The following NDUFS6 variants were observed in gnomAD, a reference collection of about 807,000 sequenced individuals.
The protein encoded by NDUFS6 is NADH dehydrogenase [ubiquinone] iron-sulfur protein 6, mitochondrial.
Under a neutral mutation model 13.2 loss-of-function variants are expected in NDUFS6, and 14 were observed. That is an observed-to-expected ratio of 1.06 (90% CI 0.70 to 1.66). The LOEUF (loss-of-function observed/expected upper bound fraction) is 1.66, where lower values mean the gene tolerates loss of function less well. Ranked by LOEUF, NDUFS6 falls within the 40% of genes most tolerant of loss-of-function variation. NDUFS6 has a pLI of 0.00. For synonymous variants in NDUFS6, 95 were observed against 72.3 expected, an observed-to-expected ratio of 1.31 and a Z score of -1.60; for missense variants, 206 against 170.8, an observed-to-expected ratio of 1.21 and a Z score of -1.15.
Position 1,814,288 on chromosome 5 carries a change from T to C in NDUFS6, c.187-51T>C, listed in dbSNP as rs1354126181. Reference sequence around the variant, plus strand: ...TGTGTGTGGTGGGTTAAATTGTATGTAGTTAGCAAGTTTGTGTATTTGTTT... The same window carrying C: ...TGTGTGTGGTGGGTTAAATTGTATGCAGTTAGCAAGTTTGTGTATTTGTTT... On this transcript the variant is annotated intron_variant, in intron 2 of 3. Coordinates refer to ENST00000274137, the MANE Select transcript of NDUFS6 (RefSeq NM_004553.6). This position sits in a 1 kb window ranked among gnomAD's most constrained non-coding sequence, Gnocchi z 4.9. 1.2e-6 allele frequency: 2 copies of C among 1,611,362 alleles called. No homozygotes were observed. The highest frequency in any genetic ancestry group is 1.3e-5 in the African/African-American group (1 of 74,874).
At chr5:1,804,071 G>T (rs1665562026) in intron 2 of NDUFS6, among the ~76,000 whole-genome samples, 1 of 152,196 alleles carries the variant, frequency 6.6e-6, no homozygotes, top group Non-Finnish European at 1.5e-5. Context: ...GGTTTCCTGG[G>T]CATCGATGGG....
intron 2 of NDUFS6, among the ~76,000 whole-genome samples, chr5:1,810,463 G>C (rs1734201342): frequency 6.6e-6 from 1 of 152,200 alleles, no homozygotes; most frequent in South Asian, 2.1e-4. Flanking sequence ...CCCAGGGGCA[G>C]CTGAAAGGGG....
At chr5:1,815,589 G>A (rs954645915) in intron 3 of NDUFS6, among the ~76,000 whole-genome samples, 1 of 152,218 alleles carries the variant, frequency 6.6e-6, no homozygotes, top group Non-Finnish European at 1.5e-5. Flanking sequence ...CCGCTGAGGT[G>A]TGGGGAGTGA....
intron 3 of NDUFS6, 78 bp from the exon 4 acceptor site, chr5:1,815,769 TATAC>T: frequency 7.2e-6 from 10 of 1,390,256 alleles, no homozygotes; most frequent in Non-Finnish European, 9.2e-6. Flanking sequence ...GTCTAAGTTT[TATAC>T]ATACATTTTC....
At chr5:1,806,040 C>T (rs1382620184) in intron 2 of NDUFS6, among the ~76,000 whole-genome samples, 3 of 152,242 alleles carry the variant, frequency 2.0e-5, no homozygotes, top group Admixed American at 6.5e-5. Context: ...TCTGCTGCTG[C>T]CTTCGCCACC....
chr5:1,803,123 T>C (rs1386382229), intron 2 of NDUFS6, among the ~76,000 whole-genome samples: 3 of 152,206 alleles, frequency 2.0e-5, no homozygotes, highest in South Asian at 4.1e-4. Context: ...CCCTAAATCA[T>C]GTATTTTCCC....
Position 1,801,453 on chromosome 5 carries a change from C to G in NDUFS6, c.36C>G (p.Asn12Lys), listed in dbSNP as rs1249260190. Residue 12 changes from asparagine to lysine, a missense_variant, in exon 1 of 4, where the codon AAC (asparagine) becomes AAG (lysine). Asn to Lys is a moderately conservative substitution (Grantham distance 94). Coordinates refer to ENST00000274137, the MANE Select transcript of NDUFS6 (RefSeq NM_004553.6). The part of the protein sequence containing the change: ...AAAMTFCRLL[N>K]RCGEAARSLP... Reference sequence around the variant, plus strand: ...CGATGACCTTCTGCCGGCTGCTGAACCGGTGTGGCGAGGCGGCGCGGAGCC... The same window carrying G: ...CGATGACCTTCTGCCGGCTGCTGAAGCGGTGTGGCGAGGCGGCGCGGAGCC... 1 of 1,605,042 alleles carries G rather than the reference C, an allele frequency of 6.2e-7. No individual in the cohort carries two copies. The highest frequency in any genetic ancestry group is 1.1e-5 in the South Asian group (1 of 90,858).
chr5:1,812,877 A>T (rs1278545928), intron 2 of NDUFS6, among the ~76,000 whole-genome samples: 1 of 151,972 alleles, frequency 6.6e-6, no homozygotes, highest in Non-Finnish European at 1.5e-5. Context: ...ACATGGTGAA[A>T]CCCTGTCTCT....
chr5:1,807,091 C>A (rs964835974), intron 2 of NDUFS6, among the ~76,000 whole-genome samples: 1 of 30,444 alleles, frequency 3.3e-5, no homozygotes, highest in Non-Finnish European at 6.3e-5. Flanking sequence ...CCAGAACAGT[C>A]GCTTCTTAGA....
intron 2 of NDUFS6, among the ~76,000 whole-genome samples, chr5:1,803,050 C>G (rs3776152): frequency 0.21 from 31,773 of 152,010 alleles, 3,552 homozygotes; most frequent in Admixed American, 0.28. Context: ...TTCACAGCCA[C>G]CTTATTCATT....
chr5:1,805,359 C>G (rs199887558), intron 2 of NDUFS6, among the ~76,000 whole-genome samples: 1 of 152,196 alleles, frequency 6.6e-6, no homozygotes, highest in East Asian at 1.9e-4. Context: ...TAAACTGAAT[C>G]TGAACTTCAC....
chr5:1,806,103 G>T (rs1263067220), intron 2 of NDUFS6, among the ~76,000 whole-genome samples: 1 of 152,222 alleles, frequency 6.6e-6, no homozygotes, highest in African/African-American at 2.4e-5. Flanking sequence ...GAAGTTAAAC[G>T]TTAGTGTCTA....
At chr5:1,815,686 C>T (rs568975896) in intron 3 of NDUFS6, among the ~76,000 whole-genome samples, 165 bp from the exon 4 acceptor site, 5 of 152,164 alleles carry the variant, frequency 3.3e-5, no homozygotes, top group Non-Finnish European at 5.9e-5. Context: ...CCAGGGGCTT[C>T]GGTCAGCCTG....
At chr5:1,806,280 C>T (rs1026660071) in intron 2 of NDUFS6, among the ~76,000 whole-genome samples, 1 of 152,172 alleles carries the variant, frequency 6.6e-6, no homozygotes, top group Non-Finnish European at 1.5e-5. Flanking sequence ...TTCATCTGCC[C>T]GCCAGTGGGA....
chr5:1,804,098 A>T (rs148711217), intron 2 of NDUFS6, among the ~76,000 whole-genome samples: 1 of 152,160 alleles, frequency 6.6e-6, no homozygotes, highest in Non-Finnish European at 1.5e-5. Flanking sequence ...TTACTGAGGT[A>T]GTGGCTGGAC....
chr5:1,812,391 AT>A (rs1228985102), intron 2 of NDUFS6, among the ~76,000 whole-genome samples: 1 of 151,586 alleles, frequency 6.6e-6, no homozygotes, highest in Non-Finnish European at 1.5e-5. Flanking sequence ...TGGTAAGGTA[AT>A]TAATGAGTTT....
chr5:1,804,906 A>G (rs1384089622), intron 2 of NDUFS6, among the ~76,000 whole-genome samples: 3 of 152,196 alleles, frequency 2.0e-5, no homozygotes, highest in African/African-American at 4.8e-5. Context: ...ACATGTATTC[A>G]CTGTGACAGT....
Position 1,814,239 on chromosome 5 carries a change from A to G in NDUFS6, c.187-100A>G. 3.3e-6 allele frequency: 5 copies of G among 1,497,256 alleles called. No homozygotes were observed. Among genetic ancestry groups the G allele is most frequent in the Non-Finnish European group, 4.6e-6 (5 of 1,076,422 alleles). 92.7% of individuals were successfully genotyped at this position (1,497,256 alleles called of 1,614,324 possible). A position where few individuals can be genotyped will look rare whatever the true frequency, so the allele number is the denominator to read the frequency against. On this transcript the variant is annotated intron_variant, in intron 2 of 3. Coordinates refer to ENST00000274137, the MANE Select transcript of NDUFS6 (RefSeq NM_004553.6). The surrounding 1 kb of genome is among the most constrained non-coding windows in gnomAD (Gnocchi z 4.9). ...TAGTTAAATGAAGCATGCACCATAG[A>G]TTCGTGCTGATGGTACATGAATTTG...
At position 1,803,044 on chromosome 5, in the gene NDUFS6, C is replaced by T. The variant is rs975290301; in HGVS notation, c.186+670C>T. Among the ~76,000 whole-genome samples the T allele has an allele frequency of 2.0e-5, 3 of 152,132 alleles. No homozygotes were observed. In the East Asian group the frequency reaches 5.8e-4, roughly 29 times the overall value. On this transcript the variant is annotated intron_variant, in intron 2 of 3. Transcript: ENST00000274137. ...GAAGGATGCTGTGAAGTGTCCTTCA[C>T]AGCCACCTTATTCATTCTTTTTCCC...
Sources: allele counts gnomAD v4.1 joint callset (sites outside exome capture counted in the v4.1 genomes callset), GRCh38; gene constraint gnomAD v4.1.1; non-coding constraint Gnocchi (gnomAD v3.1); transcripts MANE v1.5; gene names NCBI Gene and HGNC (gene_info 2026-07-23, HGNC 2026-07-21).